The following SEMA3E variants were observed in gnomAD, a reference collection of about 807,000 sequenced individuals.
The protein encoded by SEMA3E is semaphorin 3E, also known as semaphorin-3E.
SEMA3E carries 49 observed loss-of-function variants against 93.6 expected under a neutral mutation model. That is an observed-to-expected ratio of 0.52 (90% CI 0.42 to 0.66). The LOEUF (loss-of-function observed/expected upper bound fraction) is 0.66, where lower values mean the gene tolerates loss of function less well. Among genes scored for constraint, SEMA3E ranks in the 30% least tolerant of loss-of-function variants. The pLI is 0.00. For missense variants in SEMA3E, 906 were observed against 964.8 expected (o/e 0.94, Z 0.81); for synonymous variants, 363 against 330.7 (o/e 1.10, Z -1.06).
intron 1 of SEMA3E, among the ~76,000 whole-genome samples, chr7:83,576,216 T>C (rs571938920): frequency 1.3e-5 from 2 of 152,352 alleles, no homozygotes; most frequent in South Asian, 4.1e-4. Context: ...TGCAATACCT[T>C]GCTCAATTAT....
At chr7:83,422,724 T>C (rs926724056) in intron 4 of SEMA3E, among the ~76,000 whole-genome samples, 2 of 152,226 alleles carry the variant, frequency 1.3e-5, no homozygotes, top group Non-Finnish European at 2.9e-5. Flanking sequence ...TTTTATCTAA[T>C]GGGTATAATT....
At chr7:83,368,936 T>G in intron 16 of SEMA3E, among the ~76,000 whole-genome samples, 1 of 152,176 alleles carries the variant, frequency 6.6e-6, no homozygotes, top group East Asian at 1.9e-4. Context: ...TCATGTATGT[T>G]TCTTGCCTTA....
In SEMA3E at chr7:83,423,224, G is replaced by T. The variant is rs189748348; in HGVS notation, c.457-4741C>A. Among the ~76,000 whole-genome samples the T allele has an allele frequency of 1.3e-3, 197 of 152,218 alleles. 1 individual carries two copies. Among genetic ancestry groups the T allele is most frequent in the African/African-American group, 4.7e-3 (195 of 41,538 alleles). On this transcript the variant is annotated intron_variant, in intron 4 of 16. Transcript: ENST00000643230. ...CGTAAATCTACCTTAGTCTGTGAAA[G>T]GATATATTCTTTTATAAAAATCTCA...
chr7:83,391,029 A>C (rs1197487993), intron 14 of SEMA3E, among the ~76,000 whole-genome samples: 1 of 152,164 alleles, frequency 6.6e-6, no homozygotes, highest in Non-Finnish European at 1.5e-5. Flanking sequence ...TGTTGCTATG[A>C]CAATAAAATA....
intron 1 of SEMA3E, among the ~76,000 whole-genome samples, chr7:83,553,168 T>C (rs1317717480): frequency 6.6e-6 from 1 of 152,320 alleles, no homozygotes; most frequent in East Asian, 1.9e-4. Context: ...AATTCCTCTC[T>C]TTATACTGTC....
At chr7:83,641,249 G>A in intron 1 of SEMA3E, 2 of 285,380 alleles carry the variant, frequency 7.0e-6, no homozygotes, top group Non-Finnish European at 1.1e-5. Flanking sequence ...AAATCATTTT[G>A]TTTTATTCAG....
At position 83,531,655 on chromosome 7, in the gene SEMA3E, T is replaced by C. The variant is rs539172323; in HGVS notation, c.116-41381A>G. Among the ~76,000 whole-genome samples the C allele has an allele frequency of 2.4e-4, 37 of 152,252 alleles. No individual in the cohort carries two copies. The South Asian group carries it at 7.5e-3, about 31-fold the overall frequency. On this transcript the variant is annotated intron_variant, in intron 1 of 16. Coordinates refer to ENST00000643230, the MANE Select transcript of SEMA3E (RefSeq NM_012431.3). ...GGCGTGAGCCACCGTTCCCAGCCAA[T>C]TGGAATATTCTTAATAGAGACATCT... is the stretch of plus-strand genomic sequence containing the variant.
Position 83,419,648 on chromosome 7 carries a change from T to C in SEMA3E, c.457-1165A>G, listed in dbSNP as rs144679781. Among the ~76,000 whole-genome samples the C allele has an allele frequency of 2.8e-3, 422 of 152,244 alleles. 2 individuals are homozygous for C. Among genetic ancestry groups the C allele is most frequent in the African/African-American group, 8.3e-3 (345 of 41,540 alleles). ...CTGACTGGTGTGAGATGATACCTCA[T>C]TGTGGTTTTGATTTTCATTTCTATG... On this transcript the variant is annotated intron_variant, in intron 4 of 16. Coordinates refer to ENST00000643230, the MANE Select transcript of SEMA3E (RefSeq NM_012431.3).
At chr7:83,621,892 G>A (rs1584370168) in intron 1 of SEMA3E, among the ~76,000 whole-genome samples, 1 of 152,212 alleles carries the variant, frequency 6.6e-6, no homozygotes, top group East Asian at 1.9e-4. Flanking sequence ...AAAAACCCTA[G>A]AAGAAAATCT....
chr7:83,447,263 C>G (rs1435658804), intron 4 of SEMA3E, among the ~76,000 whole-genome samples: 2 of 151,968 alleles, frequency 1.3e-5, no homozygotes, highest in Non-Finnish European at 2.9e-5. Flanking sequence ...TTGGCTGGGA[C>G]TGGTGGCTCA....
intron 1 of SEMA3E, among the ~76,000 whole-genome samples, chr7:83,508,935 C>A (rs926617333): frequency 2.0e-5 from 3 of 152,056 alleles, no homozygotes; most frequent in African/African-American, 7.2e-5. Context: ...TCGTTAAGTA[C>A]ATTATAAACA....
rs201211915 is a variant in SEMA3E at position 83,484,861 on chromosome 7, TAGAG to T, written c.276+5249_276+5252del. On this transcript the variant is annotated intron_variant, in intron 2 of 16. Coordinates refer to ENST00000643230, the MANE Select transcript of SEMA3E (RefSeq NM_012431.3). ...AAAAATAATATTATAGTTGCTAAGA[TAGAG>T]AGGTATTGGTGCAGAGCTAAATAAA... 1.8e-3 allele frequency among the ~76,000 whole-genome samples: 275 copies of T among 152,234 alleles called. 3 individuals carry two copies. The East Asian group carries it at 0.025, about 14-fold the overall frequency.
At chr7:83,497,533 A>G (rs556704373) in intron 1 of SEMA3E, among the ~76,000 whole-genome samples, 1 of 152,324 alleles carries the variant, frequency 6.6e-6, no homozygotes, top group South Asian at 2.1e-4. Context: ...AATAGCCATT[A>G]GAAATTTTCT....
At chr7:83,405,799 C>T in intron 8 of SEMA3E, 146 bp downstream of exon 8, 1 of 724,630 alleles carries the variant, frequency 1.4e-6, no homozygotes. Flanking sequence ...GCATGCGTGC[C>T]TGGCCAAAAT....
intron 4 of SEMA3E, among the ~76,000 whole-genome samples, chr7:83,434,646 T>C (rs1471835624): frequency 6.6e-6 from 1 of 152,180 alleles, no homozygotes; most frequent in African/African-American, 2.4e-5. Flanking sequence ...ATTACCATTT[T>C]GTGCCACACT....
chr7:83,551,652 C>T (rs1791766646), intron 1 of SEMA3E, among the ~76,000 whole-genome samples: 1 of 152,136 alleles, frequency 6.6e-6, no homozygotes, highest in Admixed American at 6.6e-5. Context: ...CATACTAAAA[C>T]ATTTGAATAC....
intron 1 of SEMA3E, among the ~76,000 whole-genome samples, chr7:83,612,844 T>G (rs1479028269): frequency 6.6e-6 from 1 of 152,164 alleles, no homozygotes; most frequent in Non-Finnish European, 1.5e-5. Context: ...ACATATGTTT[T>G]ATAACAGTTA....
intron 1 of SEMA3E, among the ~76,000 whole-genome samples, chr7:83,533,731 T>C (rs866580061): frequency 2.6e-5 from 4 of 152,070 alleles, no homozygotes; most frequent in Admixed American, 6.6e-5. Flanking sequence ...TGAAACTTCC[T>C]TACGTTTTAT....
At chr7:83,482,827 G>C (rs1397253232) in intron 2 of SEMA3E, among the ~76,000 whole-genome samples, 1 of 152,056 alleles carries the variant, frequency 6.6e-6, no homozygotes, top group Non-Finnish European at 1.5e-5. Flanking sequence ...CCAAATCTAG[G>C]TTAAAAGAGA....
Sources: allele counts gnomAD v4.1 joint callset (sites outside exome capture counted in the v4.1 genomes callset), GRCh38; gene constraint gnomAD v4.1.1; transcripts MANE v1.5; gene names NCBI Gene and HGNC (gene_info 2026-07-23, HGNC 2026-07-21).